AR: variants seen among roughly 807,000 people sequenced by gnomAD.
The protein encoded by AR is androgen receptor, also known as dihydrotestosterone receptor.
Under a neutral mutation model 53.9 loss-of-function variants are expected in AR, and 8 were observed. The ratio of observed to expected loss-of-function variants is 0.15; its 90% CI spans 0.09 to 0.27. The LOEUF (loss-of-function observed/expected upper bound fraction) is 0.27, where lower values mean the gene tolerates loss of function less well. Among genes scored for constraint, AR ranks in the 10% least tolerant of loss-of-function variants. AR has a pLI of 1.00. For missense variants in AR, 639 were observed against 742.5 expected (o/e 0.86, Z 1.62); for synonymous variants, 359 against 316.4 (o/e 1.13, Z -1.43).
intron 1 of AR, among the ~76,000 whole-genome samples, chrX:67,642,896 A>G (rs1925860306): frequency 1.8e-5 from 2 of 111,927 alleles, no homozygotes; most frequent in African/African-American, 6.5e-5. Context: ...AGGTAAAGTT[A>G]CAAACCTGGG....
Position 67,555,404 on chromosome X carries a change from A to T in AR, c.1616+8642A>T, listed in dbSNP as rs183213094. ...TGAAATCTATTTCTGCTTATTCAAT[A>T]GTGCACCCCAGTCAAGTTAGTTGCC... On this transcript the variant is annotated intron_variant, in intron 1 of 7. Transcript: ENST00000374690. Among the ~76,000 whole-genome samples, 151 of 112,180 alleles carry T rather than the reference A, an allele frequency of 1.3e-3. 1 individual carries two copies. The highest frequency in any genetic ancestry group is 4.7e-3 in the African/African-American group (146 of 30,886).
chrX:67,727,280 A>G lies in AR; in HGVS notation c.*3439A>G, dbSNP rs930660112. 2 of 168,031 alleles carry G rather than the reference A, an allele frequency of 1.2e-5. No homozygotes were observed. The highest frequency in any genetic ancestry group is 5.9e-5 in the African/African-American group (2 of 33,721). The allele number at this position is 168,031 out of a possible 1,213,427, so 13.8% of individuals were successfully genotyped here. On this transcript the variant is annotated 3_prime_UTR_variant, in exon 8 of 8. Coordinates refer to ENST00000374690, the MANE Select transcript of AR (RefSeq NM_000044.6). ...TGTCATATATCTTTGAAAAAAGAAA[A>G]TCTGTAATACATATATTTTTATGTA...
chrX:67,723,069 C>A, intron 7 of AR, 85 bp downstream of exon 7: 1 of 1,109,051 alleles, frequency 9.0e-7, no homozygotes, highest in Non-Finnish European at 1.2e-6. Context: ...TCTGGCACCA[C>A]CTGTTGGGAG....
chrX:67,729,634 C>T lies in AR; in HGVS notation c.*5793C>T, dbSNP rs1215441157. 5.7e-6 allele frequency: 1 copy of T among 174,534 alleles called. No homozygotes were observed. The highest frequency in any genetic ancestry group is 1.1e-5 in the Non-Finnish European group (1 of 91,143). 14.4% of individuals were successfully genotyped at this position (174,534 alleles called of 1,213,427 possible). A position where few individuals can be genotyped will look rare whatever the true frequency, so the allele number is the denominator to read the frequency against. On this transcript the variant is annotated 3_prime_UTR_variant, in exon 8 of 8. Coordinates refer to ENST00000374690, the MANE Select transcript of AR (RefSeq NM_000044.6). ...TAGCCTGGGGAATTAAATGAGAAGC[C>T]TTAGAATGGGTGGCCCTTGTGACCT...
chrX:67,555,187 A>G (rs914602355), intron 1 of AR, among the ~76,000 whole-genome samples: 1 of 111,409 alleles, frequency 9.0e-6, no homozygotes, highest in Non-Finnish European at 1.9e-5. Flanking sequence ...TAAAATGTAG[A>G]TATTTTAAAA....
chrX:67,650,065 C>G (rs1268966285), intron 2 of AR, among the ~76,000 whole-genome samples: 5 of 111,784 alleles, frequency 4.5e-5, no homozygotes, highest in African/African-American at 1.6e-4. Context: ...AGAGAGGACA[C>G]AAACAAAAGG....
chrX:67,560,875 C>T (rs1921269908), intron 1 of AR, among the ~76,000 whole-genome samples: 1 of 111,815 alleles, frequency 8.9e-6, no homozygotes, highest in African/African-American at 3.2e-5. Flanking sequence ...GAGAAGTGAT[C>T]TATATGACAC....
At chrX:67,618,452 T>A (rs1924217453) in intron 1 of AR, among the ~76,000 whole-genome samples, 1 of 110,969 alleles carries the variant, frequency 9.0e-6, no homozygotes. Flanking sequence ...TTCTGTGACT[T>A]AAGAATGAGA....
chrX:67,653,424 G>A (rs1033598440), intron 2 of AR, among the ~76,000 whole-genome samples: 1 of 111,818 alleles, frequency 8.9e-6, no homozygotes, highest in South Asian at 3.8e-4. Context: ...AGTTTAGGAA[G>A]GCTTCACAGA....
chrX:67,668,442 T>A (rs1927371207), intron 2 of AR, among the ~76,000 whole-genome samples: 1 of 111,616 alleles, frequency 9.0e-6, no homozygotes, highest in Non-Finnish European at 1.9e-5. Context: ...AACTTTTTAA[T>A]GTGTTGTTGA....
In AR at chrX:67,691,501, C is replaced by T. The variant is rs80109806; in HGVS notation, c.1885+5375C>T. On this transcript the variant is annotated intron_variant, in intron 3 of 7. Transcript: ENST00000374690. Reference sequence around the variant, plus strand: ...CTGGTGAATACTGCGGTAAAGTAACCGAGGAGCTTTGTAACTCAGGATTCC... The same window carrying T: ...CTGGTGAATACTGCGGTAAAGTAACTGAGGAGCTTTGTAACTCAGGATTCC... 8.0e-5 allele frequency among the ~76,000 whole-genome samples: 9 copies of T among 111,832 alleles called. No homozygotes were observed. In the East Asian group the frequency reaches 1.1e-3, roughly 14 times the overall value.
intron 1 of AR, among the ~76,000 whole-genome samples, chrX:67,584,601 G>C (rs1922444053): frequency 8.9e-6 from 1 of 112,137 alleles, no homozygotes; most frequent in Admixed American, 9.4e-5. Flanking sequence ...ATGTTTGAAT[G>C]GGAAAATTAA....
At chrX:67,672,582 G>C (rs2075872318) in intron 2 of AR, among the ~76,000 whole-genome samples, 1 of 110,122 alleles carries the variant, frequency 9.1e-6, no homozygotes, top group African/African-American at 3.3e-5. Flanking sequence ...ATTTCAAACT[G>C]ATGACAACAC....
intron 2 of AR, among the ~76,000 whole-genome samples, chrX:67,665,476 A>G (rs1460847726): frequency 2.7e-5 from 3 of 112,251 alleles, no homozygotes; most frequent in Non-Finnish European, 5.6e-5. Flanking sequence ...GAAAAAAACA[A>G]TGAAGAGCTT....
Position 67,678,707 on chromosome X carries a change from C to T in AR, c.1769-7303C>T, listed in dbSNP as rs758874654. Reference sequence around the variant, plus strand: ...CCCACCCTACAACCTCAAGTAGGCCCTGGTGTCTATTGTTCCCCTCTTTGT... The same window carrying T: ...CCCACCCTACAACCTCAAGTAGGCCTTGGTGTCTATTGTTCCCCTCTTTGT... On this transcript the variant is annotated intron_variant, in intron 2 of 7. Coordinates refer to ENST00000374690, the MANE Select transcript of AR (RefSeq NM_000044.6). Among the ~76,000 whole-genome samples, 3 of 111,545 alleles carry T rather than the reference C, an allele frequency of 2.7e-5. No homozygotes were observed. In the East Asian group the frequency reaches 8.5e-4, roughly 32 times the overall value.
chrX:67,573,565 C>G (rs1216565210), intron 1 of AR, among the ~76,000 whole-genome samples: 1 of 111,502 alleles, frequency 9.0e-6, no homozygotes, highest in African/African-American at 3.3e-5. Flanking sequence ...CATCTGGTCT[C>G]AAGCCTTCAA....
At chrX:67,661,557 A>G (rs1467768773) in intron 2 of AR, among the ~76,000 whole-genome samples, 1 of 111,605 alleles carries the variant, frequency 9.0e-6, no homozygotes. Context: ...CATCCCAGGG[A>G]TGAAGCCCAC....
Position 67,724,259 on chromosome X carries a change from A to T in AR, c.*418A>T, listed in dbSNP as rs1475366389. Reference sequence around the variant, plus strand: ...AGAGCTAAGATTATCTGGGGAAATCAAAACAAAAACAAGCAAACAAAAAAA... The same window carrying T: ...AGAGCTAAGATTATCTGGGGAAATCTAAACAAAAACAAGCAAACAAAAAAA... On this transcript the variant is annotated 3_prime_UTR_variant, in exon 8 of 8. Coordinates refer to ENST00000374690, the MANE Select transcript of AR (RefSeq NM_000044.6). 1 of 154,437 alleles carries T rather than the reference A, an allele frequency of 6.5e-6. No homozygotes were observed. The highest frequency in any genetic ancestry group is 9.0e-5 in the East Asian group (1 of 11,102). 12.7% of individuals were successfully genotyped at this position (154,437 alleles called of 1,213,427 possible).
Position 67,728,595 on chromosome X carries a change from A to G in AR, c.*4754A>G, listed in dbSNP as rs2076167943. 2.2e-5 allele frequency: 2 copies of G among 90,971 alleles called. No homozygotes were observed. The highest frequency in any genetic ancestry group is 4.3e-5 in the Non-Finnish European group (2 of 46,348). The allele number at this position is 90,971 out of a possible 1,213,427, so 7.5% of individuals were successfully genotyped here. A position where few individuals can be genotyped will look rare whatever the true frequency, so the allele number is the denominator to read the frequency against. ...TTGAAATATATATATATATATATAT[A>G]TATATATATATATATATATAGTGTG... On this transcript the variant is annotated 3_prime_UTR_variant, in exon 8 of 8. Transcript: ENST00000374690.
Sources: gnomAD v4.1 joint callset for allele counts (sites outside exome capture counted in the v4.1 genomes callset) on GRCh38, gnomAD v4.1.1 for gene constraint, MANE v1.5 for transcripts, NCBI Gene and HGNC (gene_info 2026-07-23, HGNC 2026-07-21) for gene names.